The following KANK1 variants were observed in gnomAD, a reference collection of about 807,000 sequenced individuals.
KANK1 encodes KN motif and ankyrin repeat domain-containing protein 1.
KANK1 carries 109 observed loss-of-function variants against 106.2 expected under a neutral mutation model. The observed-to-expected ratio is 1.03, with a 90% CI of 0.88 to 1.20. KANK1 has a LOEUF of 1.20. KANK1 is among the 50% of genes most tolerant of loss of function. The pLI is 0.00. For synonymous variants in KANK1, 873 were observed against 652.2 expected (o/e 1.34, Z -5.16); for missense variants, 2,399 against 1,710.7 (o/e 1.40, Z -7.10).
chr9:476,286 C>T (rs1362148465), intron 3 of KANK1, among the ~76,000 whole-genome samples: 3 of 152,028 alleles, frequency 2.0e-5, no homozygotes, highest in Non-Finnish European at 4.4e-5. Flanking sequence ...TTTGGGAGGC[C>T]GAGGCGGGTG....
upstream of KANK1, among the ~76,000 whole-genome samples, chr9:500,381 A>T (rs1189168113): frequency 1.3e-4 from 20 of 152,210 alleles, no homozygotes; most frequent in Non-Finnish European, 7.3e-5. Flanking sequence ...CTTTAATGTA[A>T]CTGGTAACTC....
At chr9:680,431 C>G (rs1817311410) in intron 2 of KANK1, among the ~76,000 whole-genome samples, 1 of 152,154 alleles carries the variant, frequency 6.6e-6, no homozygotes, top group East Asian at 1.9e-4. Context: ...TTAAAACGAG[C>G]TATTCATTAA....
At chr9:626,815 G>A (rs1185476039) in intron 1 of KANK1, among the ~76,000 whole-genome samples, 2 of 152,208 alleles carry the variant, frequency 1.3e-5, no homozygotes, top group Non-Finnish European at 2.9e-5. Context: ...GATACAAGCT[G>A]TAATGACATG....
Position 732,382 on chromosome 9 carries a change from GA to G in KANK1, c.3013del (p.Thr1005GlnfsTer54). The G allele has an allele frequency of 1.2e-6, 2 of 1,608,764 alleles. No homozygotes were observed. Among genetic ancestry groups the G allele is most frequent in the African/African-American group, 1.3e-5 (1 of 74,954 alleles). On this transcript the variant is annotated frameshift_variant, in exon 6 of 12. Coordinates refer to ENST00000382297, the MANE Select transcript of KANK1 (RefSeq NM_015158.5). LOFTEE classifies it high-confidence loss of function. ...LQFVGINGGY[E>X]TTSSDDSSSD... is the part of the protein sequence containing the mutation. The stretch of plus-strand genomic sequence containing the variant: ...GAAATCCCAATTGCCACCTAGGTAT[GA>G]AACAACTTCAAGTGATGATTCCAGC...
chr9:486,473 GTAT>G (rs1455104695), intron 3 of KANK1, among the ~76,000 whole-genome samples: 1 of 152,024 alleles, frequency 6.6e-6, no homozygotes, highest in Non-Finnish European at 1.5e-5. Flanking sequence ...TATGGGGTAG[GTAT>G]TATTATTATT....
chr9:573,987 T>G (rs1819880913), intron 1 of KANK1, among the ~76,000 whole-genome samples: 1 of 152,216 alleles, frequency 6.6e-6, no homozygotes, highest in Admixed American at 6.5e-5. Context: ...ACCAGGAGAT[T>G]AATGGGCTGT....
chr9:511,732 AAAAAC>A (rs2059034293), intron 1 of KANK1, among the ~76,000 whole-genome samples: 1 of 152,238 alleles, frequency 6.6e-6, no homozygotes, highest in Non-Finnish European at 1.5e-5. Context: ...GGTTTAAAAT[AAAAAC>A]AAAACTCATC....
In KANK1 at chr9:711,104, T is replaced by A. The variant is rs757462012; in HGVS notation, c.338T>A (p.Val113Asp). 1.9e-6 allele frequency: 3 copies of A among 1,614,088 alleles called. No homozygotes were observed. The South Asian group carries it at 3.3e-5, about 18-fold the overall frequency. The change falls in exon 3 of 12, where the codon GTT (valine) becomes GAT (aspartate). Residue 113 changes from valine to aspartate, a missense_variant. By Grantham distance (152) the Val-to-Asp change is radical (BLOSUM62 -3). Coordinates refer to ENST00000382297, the MANE Select transcript of KANK1 (RefSeq NM_015158.5). ...AACTTCCTCATAGCCAGAAGTCAAG[T>A]TACATCAACTCCAATCTCAAAGCCA... ...CPNFLIARSQ[V>D]TSTPISKPPP...
At chr9:472,075 T>C (rs892259770) in intron 2 of KANK1, among the ~76,000 whole-genome samples, 18 of 152,198 alleles carry the variant, frequency 1.2e-4, no homozygotes, top group African/African-American at 4.3e-4. Flanking sequence ...AAAACACTCT[T>C]ACATATAATT....
chr9:645,228 G>A (rs1242747700), intron 1 of KANK1, among the ~76,000 whole-genome samples: 1 of 148,912 alleles, frequency 6.7e-6, no homozygotes, highest in Non-Finnish European at 1.5e-5. Flanking sequence ...ATCGCTTAGG[G>A]TCAGGAGTTC....
At chr9:519,787 T>C (rs2059463391) in intron 1 of KANK1, among the ~76,000 whole-genome samples, 1 of 151,744 alleles carries the variant, frequency 6.6e-6, no homozygotes, top group Non-Finnish European at 1.5e-5. Context: ...CTACTATTGT[T>C]CTCAATAAGG....
intron 1 of KANK1, among the ~76,000 whole-genome samples, chr9:615,161 C>G (rs1717463079): frequency 6.6e-6 from 1 of 152,136 alleles, no homozygotes; most frequent in Non-Finnish European, 1.5e-5. Context: ...TCCTGAACTC[C>G]TGGCCTCAAG....
chr9:512,833 C>T (rs150398726), intron 1 of KANK1, among the ~76,000 whole-genome samples: 121 of 152,286 alleles, frequency 7.9e-4, no homozygotes, highest in Admixed American at 2.2e-3. Flanking sequence ...AATTTATATT[C>T]CCTCACACCT....
chr9:632,651 T>C (rs1836021635), intron 1 of KANK1, among the ~76,000 whole-genome samples: 1 of 152,146 alleles, frequency 6.6e-6, no homozygotes, highest in Admixed American at 6.5e-5. Flanking sequence ...TCACATTATC[T>C]GCTTTGATCC....
At position 712,222 on chromosome 9, in the gene KANK1, A is replaced by G; in HGVS notation, c.1456A>G (p.Thr486Ala). 1 of 1,614,174 alleles carries G rather than the reference A, an allele frequency of 6.2e-7. No individual in the cohort carries two copies. The highest frequency in any genetic ancestry group is 8.5e-7 in the Non-Finnish European group (1 of 1,180,016). Residue 486 changes from threonine to alanine, a missense_variant, in exon 3 of 12, where the codon ACT (threonine) becomes GCT (alanine). Coordinates refer to ENST00000382297, the MANE Select transcript of KANK1 (RefSeq NM_015158.5). ...AGAAACCACCCATGACCGGGAGATG[A>G]CTAAACTGAAACAAGAGCTGCAGGC... ...LRETTHDREM[T>A]KLKQELQAAG...
At chr9:481,963 G>C (rs1564112930) in intron 3 of KANK1, among the ~76,000 whole-genome samples, 1 of 152,164 alleles carries the variant, frequency 6.6e-6, no homozygotes, top group Non-Finnish European at 1.5e-5. Flanking sequence ...GTCATGCTTG[G>C]ATCCTTCTGA....
intron 3 of KANK1, among the ~76,000 whole-genome samples, chr9:715,541 G>C (rs572338393): frequency 6.6e-6 from 1 of 152,190 alleles, no homozygotes; most frequent in African/African-American, 2.4e-5. Context: ...GTCTGGCTGT[G>C]TGACAGTGTT....
intron 1 of KANK1, among the ~76,000 whole-genome samples, chr9:639,368 C>T (rs939234887): frequency 2.0e-5 from 3 of 151,918 alleles, no homozygotes; most frequent in Admixed American, 1.3e-4. Flanking sequence ...CTCTATCACC[C>T]GGGCTAGAGT....
intron 1 of KANK1, among the ~76,000 whole-genome samples, chr9:663,417 C>T (rs866398779): frequency 1.3e-5 from 2 of 152,296 alleles, no homozygotes; most frequent in African/African-American, 4.8e-5. Context: ...AAATCTATTA[C>T]AAACAAATGA....
Sources: allele counts gnomAD v4.1 joint callset (sites outside exome capture counted in the v4.1 genomes callset), GRCh38; gene constraint gnomAD v4.1.1; transcripts MANE v1.5; gene names NCBI Gene and HGNC (gene_info 2026-07-23, HGNC 2026-07-21).